The following C12orf42 variants were observed in gnomAD, a reference collection of about 807,000 sequenced individuals.
C12orf42 encodes uncharacterized protein C12orf42.
C12orf42 carries 25 observed loss-of-function variants against 21.6 expected under a neutral mutation model. The observed-to-expected ratio is 1.16, with a 90% CI of 0.84 to 1.62. C12orf42 has a LOEUF of 1.62. Among genes scored for constraint, C12orf42 ranks in the 40% most tolerant of loss-of-function variants. The pLI is 0.00. For synonymous variants in C12orf42, 174 were observed against 175.0 expected (o/e 0.99, Z 0.05); for missense variants, 483 against 459.3 (o/e 1.05, Z -0.47).
rs1018439639 is a variant in C12orf42, at chr12:103,340,509, A to C, written c.259+28378T>G. On this transcript the variant is annotated intron_variant, in intron 4 of 5. Transcript: ENST00000548883. Reference sequence around the variant, plus strand: ...CAAAACCCAAAAGAATCATAATGTTACTGAGTAACTTAACTGTATCACAGA... The same window carrying C: ...CAAAACCCAAAAGAATCATAATGTTCCTGAGTAACTTAACTGTATCACAGA... 3.3e-5 allele frequency among the ~76,000 whole-genome samples: 5 copies of C among 152,244 alleles called. 1 individual carries two copies. Among genetic ancestry groups the C allele is most frequent in the Admixed American group, 6.5e-5 (1 of 15,284 alleles).
At chr12:103,154,648 G>T in the C12orf42 span, among the ~76,000 whole-genome samples, 2 of 152,094 alleles carry the variant, frequency 1.3e-5, no homozygotes, top group Admixed American at 6.6e-5. Context: ...GATATAAAAA[G>T]GTGGATTCAT....
intron 2 of C12orf42, among the ~76,000 whole-genome samples, chr12:103,411,040 C>A (rs1032737250): frequency 6.6e-6 from 1 of 152,120 alleles, no homozygotes; most frequent in Non-Finnish European, 1.5e-5. Context: ...ACCCCAATAA[C>A]TTTTACTATT....
chr12:103,311,019 G>A (rs1174773403), intron 4 of C12orf42, among the ~76,000 whole-genome samples: 8 of 152,130 alleles, frequency 5.3e-5, no homozygotes, highest in Admixed American at 5.2e-4. Flanking sequence ...GTTATGGGTT[G>A]AAAGAGACCT....
chr12:103,508,596 T>A, the C12orf42 span, among the ~76,000 whole-genome samples: 1 of 152,204 alleles, frequency 6.6e-6, no homozygotes, highest in African/African-American at 2.4e-5. Context: ...AATGTCCCCA[T>A]TTCCCCATCT....
At chr12:103,060,912 G>A in the C12orf42 span, among the ~76,000 whole-genome samples, 1 of 152,120 alleles carries the variant, frequency 6.6e-6, no homozygotes, top group African/African-American at 2.4e-5. Flanking sequence ...CATAGGCTTG[G>A]GCAAAGACTT....
intron 4 of C12orf42, among the ~76,000 whole-genome samples, chr12:103,296,071 T>G (rs1294974728): frequency 7.1e-6 from 1 of 141,446 alleles, no homozygotes; most frequent in African/African-American, 2.6e-5. Flanking sequence ...TGTCCAAGTG[T>G]TCTCATTGTT....
chr12:103,066,243 C>A, the C12orf42 span, among the ~76,000 whole-genome samples: 1 of 152,108 alleles, frequency 6.6e-6, no homozygotes, highest in South Asian at 2.1e-4. Context: ...GCTTTCTGAC[C>A]CATCTAGCCA....
At chr12:103,455,408 T>C (rs1343169401) in intron 2 of C12orf42, among the ~76,000 whole-genome samples, 1 of 152,194 alleles carries the variant, frequency 6.6e-6, no homozygotes, top group African/African-American at 2.4e-5. Context: ...TATAACACTC[T>C]CCAAGTTTTA....
intron 2 of C12orf42, among the ~76,000 whole-genome samples, 164 bp from the exon 3 acceptor site, chr12:103,401,839 C>T (rs963023794): frequency 4.6e-5 from 7 of 152,150 alleles, no homozygotes; most frequent in Admixed American, 2.6e-4. Flanking sequence ...GTCCCAGGTG[C>T]GTTGGGAACA....
At chr12:103,215,928 T>C in the C12orf42 span, among the ~76,000 whole-genome samples, 1 of 152,144 alleles carries the variant, frequency 6.6e-6, no homozygotes, top group Non-Finnish European at 1.5e-5. Flanking sequence ...CTCAAGTGTC[T>C]CCCTCTCGGA....
chr12:103,422,499 A>G (rs574497633), intron 2 of C12orf42, among the ~76,000 whole-genome samples: 6 of 152,254 alleles, frequency 3.9e-5, no homozygotes, highest in East Asian at 3.9e-4. Context: ...GATGCGGTAC[A>G]TTTCATTAGT....
At chr12:103,322,712 T>A (rs943371280) in intron 4 of C12orf42, among the ~76,000 whole-genome samples, 16 of 152,330 alleles carry the variant, frequency 1.1e-4, no homozygotes, top group African/African-American at 3.8e-4. Flanking sequence ...CTGCATTTTT[T>A]AAAAACGTTT....
chr12:103,232,311 A>G, the C12orf42 span, among the ~76,000 whole-genome samples: 20 of 152,138 alleles, frequency 1.3e-4, no homozygotes, highest in Admixed American at 7.2e-4. Context: ...TATATTAATC[A>G]AATCCAGCTC....
chr12:103,090,979 T>C, the C12orf42 span, among the ~76,000 whole-genome samples: 1 of 150,108 alleles, frequency 6.7e-6, no homozygotes. Flanking sequence ...TGCCTACAAG[T>C]GTAAAAAAAA....
chr12:103,131,744 T>C, the C12orf42 span, among the ~76,000 whole-genome samples: 3 of 152,156 alleles, frequency 2.0e-5, no homozygotes, highest in African/African-American at 7.2e-5. Context: ...GTGGTGGCAG[T>C]AATATTGTTC....
the C12orf42 span, among the ~76,000 whole-genome samples, chr12:103,221,064 C>T: frequency 6.6e-6 from 1 of 152,208 alleles, no homozygotes; most frequent in African/African-American, 2.4e-5. Context: ...TTAACATCTT[C>T]AGCAACAGCT....
intron 3 of C12orf42, among the ~76,000 whole-genome samples, chr12:103,380,967 C>T (rs1457921995): frequency 6.6e-6 from 1 of 152,200 alleles, no homozygotes; most frequent in Non-Finnish European, 1.5e-5. Context: ...TCCTTGTAAT[C>T]TGAATTGGTT....
At chr12:103,051,894 T>A in the C12orf42 span, among the ~76,000 whole-genome samples, 1 of 152,210 alleles carries the variant, frequency 6.6e-6, no homozygotes, top group Non-Finnish European at 1.5e-5. Flanking sequence ...CTCCCACTTA[T>A]TACACTATGA....
chr12:103,236,851 AAAG>A (rs1340783286), downstream of C12orf42, among the ~76,000 whole-genome samples: 5 of 152,142 alleles, frequency 3.3e-5, no homozygotes. Flanking sequence ...TATCTTTGTC[AAAG>A]AAGGAAGAAA....
Sources: allele counts gnomAD v4.1 joint callset (sites outside exome capture counted in the v4.1 genomes callset), GRCh38; gene constraint gnomAD v4.1.1; transcripts MANE v1.5; gene names NCBI Gene and HGNC (gene_info 2026-07-23, HGNC 2026-07-21).